Variants in FAM107B observed in about 807,000 individuals in gnomAD.
The protein encoded by FAM107B is family with sequence similarity 107 member B, also known as protein FAM107B.
In FAM107B, 21 loss-of-function variants were observed where a neutral mutation model predicts 31.5. The ratio of observed to expected loss-of-function variants is 0.67; its 90% CI spans 0.47 to 0.96. FAM107B has a LOEUF of 0.96. Ranked by LOEUF, FAM107B falls within the 40% of genes least tolerant of loss-of-function variation. The pLI, the probability that FAM107B is intolerant of heterozygous loss-of-function variation, is 0.00. For missense variants in FAM107B, 452 were observed against 377.1 expected, an observed-to-expected ratio of 1.20 and a Z score of -1.64; for synonymous variants, 157 against 141.5, an observed-to-expected ratio of 1.11 and a Z score of -0.78.
chr10:14,730,517 C>T (rs1048629354), intron 1 of FAM107B, among the ~76,000 whole-genome samples: 4 of 152,186 alleles, frequency 2.6e-5, no homozygotes, highest in Non-Finnish European at 4.4e-5. Context: ...GGGGAACCAG[C>T]GGAGCTGAGA....
chr10:14,607,657 A>G (rs1852628203), intron 2 of FAM107B, among the ~76,000 whole-genome samples: 1 of 152,214 alleles, frequency 6.6e-6, no homozygotes. Context: ...CTCTGGAAAA[A>G]GTCAAGGGAA....
chr10:14,682,922 A>C (rs947216067), intron 1 of FAM107B, among the ~76,000 whole-genome samples: 1 of 152,090 alleles, frequency 6.6e-6, no homozygotes, highest in Non-Finnish European at 1.5e-5. Flanking sequence ...TAAATAAATA[A>C]ATAAAAATAA....
At chr10:14,751,985 T>C (rs1412703796) in intron 1 of FAM107B, among the ~76,000 whole-genome samples, 1 of 152,192 alleles carries the variant, frequency 6.6e-6, no homozygotes, top group Non-Finnish European at 1.5e-5. Flanking sequence ...CCATGGCACC[T>C]CCCTTGCTCT....
At position 14,774,712 on chromosome 10, in the gene FAM107B, C is replaced by T. The variant is rs1833383719; in HGVS notation, c.-49G>A. ...GTTCAAACGGGGCAAGGAAATTTTC[C>T]AGGGGTCCACATCACCTCCACTTTG... is the stretch of plus-strand genomic sequence containing the variant. On this transcript the variant is annotated 5_prime_UTR_variant, in exon 1 of 5. Transcript: ENST00000181796. 1.1e-5 allele frequency: 17 copies of T among 1,564,428 alleles called. No individual in the cohort carries two copies. Among genetic ancestry groups the T allele is most frequent in the Non-Finnish European group, 1.5e-5 (17 of 1,150,446 alleles).
chr10:14,522,254 G>A (rs1845730839), intron 3 of FAM107B: 2 of 539,260 alleles, frequency 3.7e-6, no homozygotes, highest in Non-Finnish European at 6.5e-6. Context: ...CAATGTATTG[G>A]CCACGTGCCA....
chr10:14,708,084 C>CT lies in FAM107B; in HGVS notation c.412-40394dup, dbSNP rs1004460397. 3.4e-3 allele frequency among the ~76,000 whole-genome samples: 488 copies of CT among 145,528 alleles called. 2 individuals are homozygous for CT. The highest frequency in any genetic ancestry group is 0.01 in the African/African-American group (404 of 39,898). The stretch of plus-strand genomic sequence containing the variant: ...ATTCTCTTCACCTTAGGAGGACTGT[C>CT]TTTTTTTTTTTAAGATAGGGTCTCA... On this transcript the variant is annotated intron_variant, in intron 1 of 4. Transcript: ENST00000181796.
intron 2 of FAM107B, among the ~76,000 whole-genome samples, chr10:14,610,597 A>G (rs1852702063): frequency 6.6e-6 from 1 of 152,224 alleles, no homozygotes; most frequent in Admixed American, 6.5e-5. Context: ...TTTTTAAATT[A>G]ATAGTACTTA....
At chr10:14,585,202 T>C (rs925020072) in intron 2 of FAM107B, among the ~76,000 whole-genome samples, 1 of 152,230 alleles carries the variant, frequency 6.6e-6, no homozygotes, top group African/African-American at 2.4e-5. Flanking sequence ...CTGCTTTTGT[T>C]GCTTCATTCT....
chr10:14,587,950 G>A (rs934418855), intron 2 of FAM107B, among the ~76,000 whole-genome samples: 1 of 152,158 alleles, frequency 6.6e-6, no homozygotes, highest in Non-Finnish European at 1.5e-5. Flanking sequence ...TCCAGCATGG[G>A]ACAATTACCA....
chr10:14,676,935 T>C (rs1854697106), intron 1 of FAM107B, among the ~76,000 whole-genome samples: 1 of 152,206 alleles, frequency 6.6e-6, no homozygotes, highest in Non-Finnish European at 1.5e-5. Context: ...TCCACTGACT[T>C]GGTTGACATG....
At chr10:14,724,404 A>G (rs955043438) in intron 1 of FAM107B, among the ~76,000 whole-genome samples, 4 of 152,208 alleles carry the variant, frequency 2.6e-5, no homozygotes, top group African/African-American at 7.2e-5. Context: ...TCAAAAGCCA[A>G]TTGACTGTAA....
chr10:14,686,045 T>C (rs534720841), intron 1 of FAM107B, among the ~76,000 whole-genome samples: 36 of 152,284 alleles, frequency 2.4e-4, no homozygotes, highest in African/African-American at 8.4e-4. Context: ...CCTGATTCAA[T>C]TATCTCCACC....
At chr10:14,693,406 A>T (rs1439590488) in intron 1 of FAM107B, among the ~76,000 whole-genome samples, 2 of 151,722 alleles carry the variant, frequency 1.3e-5, no homozygotes, top group African/African-American at 4.9e-5. Context: ...TGAACCCAGG[A>T]GACGGAGGTT....
intron 1 of FAM107B, among the ~76,000 whole-genome samples, chr10:14,773,324 C>G (rs1588772434): frequency 6.6e-6 from 1 of 152,084 alleles, no homozygotes; most frequent in South Asian, 2.1e-4. Flanking sequence ...GTGAAGCAAG[C>G]CAGACCAAAA....
intron 2 of FAM107B, among the ~76,000 whole-genome samples, chr10:14,639,868 G>C (rs1257155405): frequency 6.6e-6 from 1 of 152,148 alleles, no homozygotes; most frequent in Non-Finnish European, 1.5e-5. Context: ...TAACACTGCT[G>C]CTACTACCCG....
At chr10:14,607,527 G>GT (rs1852625025) in intron 2 of FAM107B, among the ~76,000 whole-genome samples, 1 of 152,156 alleles carries the variant, frequency 6.6e-6, no homozygotes, top group African/African-American at 2.4e-5. Context: ...ATCACTCTGT[G>GT]GGTGATAGAT....
chr10:14,655,589 A>G (rs1854028796), intron 2 of FAM107B, among the ~76,000 whole-genome samples: 1 of 152,124 alleles, frequency 6.6e-6, no homozygotes, highest in African/African-American at 2.4e-5. Context: ...GGTTGTGTTC[A>G]ACACAGTGAC....
intron 1 of FAM107B, among the ~76,000 whole-genome samples, chr10:14,683,651 T>C (rs1043068393): frequency 6.6e-6 from 1 of 152,200 alleles, no homozygotes; most frequent in Non-Finnish European, 1.5e-5. Context: ...ACATTAGAAA[T>C]ATCATATGGA....
At chr10:14,569,934 C>A (rs1851051486) in intron 2 of FAM107B, among the ~76,000 whole-genome samples, 1 of 152,144 alleles carries the variant, frequency 6.6e-6, no homozygotes, top group African/African-American at 2.4e-5. Context: ...TTCCCGGAAA[C>A]CAGAAACTAG....
Sources: allele counts gnomAD v4.1 joint callset (sites outside exome capture counted in the v4.1 genomes callset), GRCh38; gene constraint gnomAD v4.1.1; transcripts MANE v1.5; gene names NCBI Gene and HGNC (gene_info 2026-07-23, HGNC 2026-07-21).